The following TLL1 variants were observed in gnomAD, a reference collection of about 807,000 sequenced individuals.
The protein encoded by TLL1 is tolloid-like protein 1.
In TLL1, 49 loss-of-function variants were observed where a neutral mutation model predicts 128.2. That is an observed-to-expected ratio of 0.38 (90% CI 0.30 to 0.48). The LOEUF is 0.48. TLL1 is among the 20% of genes least tolerant of loss of function. The probability of loss-of-function intolerance (pLI) is 0.96; values close to 1 mark genes in which losing one functional copy is unlikely to be tolerated. For synonymous variants in TLL1, 454 were observed against 418.8 expected (o/e 1.08, Z -1.03); for missense variants, 1,123 against 1,242.0 (o/e 0.90, Z 1.44).
intron 1 of TLL1, among the ~76,000 whole-genome samples, chr4:165,913,558 A>G (rs763161833): frequency 2.0e-5 from 3 of 152,222 alleles, no homozygotes; most frequent in Non-Finnish European, 4.4e-5. Flanking sequence ...ACAGAATCCT[A>G]TATCACTGAG....
chr4:166,047,141 A>C (rs1307994909), intron 12 of TLL1, among the ~76,000 whole-genome samples: 1 of 151,976 alleles, frequency 6.6e-6, no homozygotes, highest in African/African-American at 2.4e-5. Context: ...GCCTTGTTTC[A>C]AAAACTGTTT....
intron 1 of TLL1, chr4:165,919,973 C>T (rs1732972403): frequency 5.5e-6 from 2 of 365,184 alleles, no homozygotes; most frequent in South Asian, 2.1e-5. Flanking sequence ...GGCTAAATCC[C>T]TTCAGTGATT....
chr4:165,975,852 G>A (rs977012616), intron 1 of TLL1, among the ~76,000 whole-genome samples: 20 of 151,710 alleles, frequency 1.3e-4, no homozygotes, highest in African/African-American at 4.6e-4. Flanking sequence ...AGCCTGGCCA[G>A]TATGCTGAAA....
rs186863253 is a variant in TLL1, at chr4:166,044,974, T to A, written c.1524+1555T>A. On this transcript the variant is annotated intron_variant, in intron 12 of 20. Transcript: ENST00000061240. Reference sequence around the variant, plus strand: ...TTTATCAATGCAATAGCAGTGACAGTCTTCAAAAATAAGATAACATAAGGA... The same window carrying A: ...TTTATCAATGCAATAGCAGTGACAGACTTCAAAAATAAGATAACATAAGGA... Among the ~76,000 whole-genome samples the A allele has an allele frequency of 3.6e-4, 55 of 152,258 alleles. No homozygotes were observed. In the East Asian group the frequency reaches 9.8e-3, roughly 27 times the overall value.
chr4:166,007,217 GA>G (rs1037013467), intron 6 of TLL1, among the ~76,000 whole-genome samples: 1 of 151,528 alleles, frequency 6.6e-6, no homozygotes, highest in Non-Finnish European at 1.5e-5. Context: ...CAAATTTCGA[GA>G]AATAATACTA....
At chr4:166,083,448 T>A (rs1197111007) in intron 18 of TLL1, among the ~76,000 whole-genome samples, 1 of 123,028 alleles carries the variant, frequency 8.1e-6, no homozygotes, top group African/African-American at 2.5e-5. Flanking sequence ...TTATTAACTA[T>A]AAGTCACCAT....
At chr4:165,946,218 T>C (rs1184774054) in intron 1 of TLL1, among the ~76,000 whole-genome samples, 2 of 152,126 alleles carry the variant, frequency 1.3e-5, no homozygotes, top group Admixed American at 6.6e-5. Context: ...GCCTCCAGAA[T>C]GGAATGCAGC....
At chr4:165,904,787 A>G (rs912687443) in intron 1 of TLL1, among the ~76,000 whole-genome samples, 9 of 152,228 alleles carry the variant, frequency 5.9e-5, no homozygotes, top group Admixed American at 5.9e-4. Context: ...TGCAACCTAT[A>G]AAGAAGTCTC....
chr4:166,072,737 A>G (rs368697573), intron 16 of TLL1, among the ~76,000 whole-genome samples: 1 of 152,118 alleles, frequency 6.6e-6, no homozygotes, highest in African/African-American at 2.4e-5. Flanking sequence ...GCAATAATGC[A>G]TGTGTTATTG....
chr4:165,932,167 GT>G (rs1467679753), intron 1 of TLL1, among the ~76,000 whole-genome samples: 1 of 152,052 alleles, frequency 6.6e-6, no homozygotes, highest in Non-Finnish European at 1.5e-5. Context: ...AAATCAGAAG[GT>G]CTCCTAGTTA....
intron 1 of TLL1, among the ~76,000 whole-genome samples, chr4:165,928,673 G>C (rs1238300063): frequency 6.6e-6 from 1 of 152,080 alleles, no homozygotes; most frequent in Non-Finnish European, 1.5e-5. Context: ...TCTAAAACCA[G>C]GAAAAATAAA....
At chr4:165,878,968 C>A in intron 1 of TLL1, among the ~76,000 whole-genome samples, 1 of 116,800 alleles carries the variant, frequency 8.6e-6, no homozygotes, top group African/African-American at 3.2e-5. Context: ...GGACCTCACT[C>A]TGTCACCAGG....
chr4:165,940,773 A>G (rs1733971245), intron 1 of TLL1, among the ~76,000 whole-genome samples: 1 of 151,992 alleles, frequency 6.6e-6, no homozygotes, highest in Non-Finnish European at 1.5e-5. Flanking sequence ...CGTCAATTTT[A>G]TTAGAGAGCA....
intron 5 of TLL1, among the ~76,000 whole-genome samples, chr4:166,001,801 A>G (rs1438965049): frequency 6.6e-6 from 1 of 152,100 alleles, no homozygotes; most frequent in Non-Finnish European, 1.5e-5. Flanking sequence ...TCTCAAAAAA[A>G]AAAAAAAAGA....
intron 8 of TLL1, among the ~76,000 whole-genome samples, chr4:166,016,395 C>T (rs1253113456): frequency 1.3e-5 from 2 of 151,978 alleles, no homozygotes; most frequent in African/African-American, 4.8e-5. Context: ...TCTAAATGTA[C>T]GTCTACATAC....
chr4:166,088,691 C>T (rs969380769), intron 18 of TLL1, among the ~76,000 whole-genome samples: 2 of 152,050 alleles, frequency 1.3e-5, no homozygotes, highest in Non-Finnish European at 1.5e-5. Context: ...AGCTATGGAA[C>T]CTTTGACTAA....
At position 165,910,055 on chromosome 4, in the gene TLL1, A is replaced by G. The variant is rs79490088; in HGVS notation, c.169+35982A>G. ...GAACACTTGGAACCCAAACAGAAGC[A>G]TGATCTACAAGGACAGGAGGAATCA... On this transcript the variant is annotated intron_variant, in intron 1 of 20. Transcript: ENST00000061240. Among the ~76,000 whole-genome samples the G allele has an allele frequency of 2.4e-3, 363 of 152,308 alleles. 2 individuals are homozygous for G. In the East Asian group the frequency reaches 0.044, roughly 18 times the overall value.
chr4:166,059,696 G>T (rs2111117000), intron 14 of TLL1, among the ~76,000 whole-genome samples: 1 of 152,062 alleles, frequency 6.6e-6, no homozygotes, highest in East Asian at 1.9e-4. Flanking sequence ...GGCACTACAA[G>T]ATATTATTAG....
At chr4:165,956,384 G>C (rs999573972) in intron 1 of TLL1, among the ~76,000 whole-genome samples, 1 of 152,038 alleles carries the variant, frequency 6.6e-6, no homozygotes, top group African/African-American at 2.4e-5. Context: ...ACGTAAGACA[G>C]ACATTCCCAG....
Sources: gnomAD v4.1 joint callset for allele counts (sites outside exome capture counted in the v4.1 genomes callset) on GRCh38, gnomAD v4.1.1 for gene constraint, MANE v1.5 for transcripts, NCBI Gene and HGNC (gene_info 2026-07-23, HGNC 2026-07-21) for gene names.